Variants in LSAMP observed in about 807,000 individuals in gnomAD.
The protein encoded by LSAMP is limbic system-associated membrane protein.
Under a neutral mutation model 38.6 loss-of-function variants are expected in LSAMP, and 7 were observed. That is an observed-to-expected ratio of 0.18 (90% CI 0.10 to 0.34). The LOEUF (loss-of-function observed/expected upper bound fraction) is 0.34, where lower values mean the gene tolerates loss of function less well. Among genes scored for constraint, LSAMP ranks in the 10% least tolerant of loss-of-function variants. LSAMP has a pLI of 1.00. For missense variants in LSAMP, 313 were observed against 420.0 expected (o/e 0.75, Z 2.23); for synonymous variants, 154 against 166.8 (o/e 0.92, Z 0.59).
At chr3:115,909,788 T>C (rs1052152724) in intron 3 of LSAMP, among the ~76,000 whole-genome samples, 5 of 152,162 alleles carry the variant, frequency 3.3e-5, no homozygotes, top group Admixed American at 6.5e-5. Context: ...TGGGGAGTAG[T>C]AAGAAGCCAG....
At chr3:115,967,340 T>A (rs1362506781) in intron 3 of LSAMP, among the ~76,000 whole-genome samples, 1 of 152,200 alleles carries the variant, frequency 6.6e-6, no homozygotes. Context: ...AAGTTCCTTA[T>A]CTCCATTTGA....
intron 3 of LSAMP, among the ~76,000 whole-genome samples, chr3:115,900,111 T>C (rs1465275198): frequency 1.3e-5 from 2 of 152,214 alleles, no homozygotes; most frequent in African/African-American, 4.8e-5. Flanking sequence ...ATTCAATACA[T>C]CAGAGAATTT....
In LSAMP at chr3:115,806,946, C is replaced by A. The variant is rs1003518393; in HGVS notation, c.*3371G>T. On this transcript the variant is annotated 3_prime_UTR_variant, in exon 7 of 7. Transcript: ENST00000490035. Reference sequence around the variant, plus strand: ...TCAAAGTCATTTCTGTTTTTGTTAACTGAAAGTTGGGTCTAAGGATTTCCT... The same window carrying A: ...TCAAAGTCATTTCTGTTTTTGTTAAATGAAAGTTGGGTCTAAGGATTTCCT... 1 of 152,158 alleles carries A rather than the reference C, an allele frequency of 6.6e-6. No homozygotes were observed. Among genetic ancestry groups the A allele is most frequent in the African/African-American group, 2.4e-5 (1 of 41,436 alleles). The allele number at this position is 152,158 out of a possible 1,614,324, so 9.4% of individuals were successfully genotyped here.
chr3:116,182,083 T>C (rs879936209), intron 1 of LSAMP, among the ~76,000 whole-genome samples: 3 of 151,936 alleles, frequency 2.0e-5, no homozygotes, highest in Non-Finnish European at 4.4e-5. Context: ...TCTGTGCAGA[T>C]AGTCTCCAAA....
intron 3 of LSAMP, among the ~76,000 whole-genome samples, chr3:115,998,274 C>T (rs4378955): frequency 0.44 from 66,902 of 151,430 alleles, 16,143 homozygotes; most frequent in African/African-American, 0.65. Flanking sequence ...GGGGTTTTAA[C>T]TGGGGTAAGG....
At chr3:116,377,754 G>C (rs147130226) in intron 1 of LSAMP, among the ~76,000 whole-genome samples, 2 of 152,004 alleles carry the variant, frequency 1.3e-5, no homozygotes, top group African/African-American at 4.8e-5. Flanking sequence ...AAATCCCATG[G>C]AGCCCTTTAT....
At chr3:116,012,977 G>A (rs1466673133) in intron 3 of LSAMP, among the ~76,000 whole-genome samples, 1 of 152,296 alleles carries the variant, frequency 6.6e-6, no homozygotes, top group Non-Finnish European at 1.5e-5. Context: ...GTTGAGAGAT[G>A]TGGACTCTGT....
intron 1 of LSAMP, among the ~76,000 whole-genome samples, chr3:116,337,510 T>G (rs2047936218): frequency 6.6e-6 from 1 of 152,020 alleles, no homozygotes; most frequent in Non-Finnish European, 1.5e-5. Flanking sequence ...TAACTTTTAG[T>G]CAAAAACCAA....
At chr3:116,191,505 G>C (rs571617374) in intron 1 of LSAMP, among the ~76,000 whole-genome samples, 4 of 152,182 alleles carry the variant, frequency 2.6e-5, no homozygotes, top group African/African-American at 9.6e-5. Flanking sequence ...CTGCAGCCCA[G>C]GAAGGTTAAG....
chr3:115,856,594 G>A (rs1935516374), intron 3 of LSAMP, among the ~76,000 whole-genome samples: 1 of 151,666 alleles, frequency 6.6e-6, no homozygotes, highest in Non-Finnish European at 1.5e-5. Flanking sequence ...ACTCCAGCCT[G>A]GGTGACAGAG....
chr3:115,949,872 CA>C (rs1938226773), intron 3 of LSAMP, among the ~76,000 whole-genome samples: 1 of 151,814 alleles, frequency 6.6e-6, no homozygotes. Context: ...AACAGCATAT[CA>C]AAAAGATAAT....
chr3:115,897,961 G>A (rs1936771001), intron 3 of LSAMP, among the ~76,000 whole-genome samples: 1 of 152,068 alleles, frequency 6.6e-6, no homozygotes, highest in African/African-American at 2.4e-5. Flanking sequence ...CGTGAGCTCT[G>A]GCCAGCTCAG....
intron 1 of LSAMP, among the ~76,000 whole-genome samples, chr3:116,422,794 T>A (rs1272395629): frequency 1.3e-5 from 2 of 152,230 alleles, no homozygotes; most frequent in Non-Finnish European, 2.9e-5. Context: ...TAAGCTTATA[T>A]AAGCAGCTTT....
At chr3:115,838,432 T>G (rs1430910605) in intron 6 of LSAMP, among the ~76,000 whole-genome samples, 1 of 152,238 alleles carries the variant, frequency 6.6e-6, no homozygotes, top group East Asian at 1.9e-4. Flanking sequence ...GGAACTTGTC[T>G]TGGTATCACT....
chr3:116,061,450 A>G (rs988006605), intron 2 of LSAMP, among the ~76,000 whole-genome samples: 3 of 152,204 alleles, frequency 2.0e-5, no homozygotes, highest in Admixed American at 6.5e-5. Context: ...ATACAGCCCA[A>G]TCAGATGTGG....
intron 1 of LSAMP, among the ~76,000 whole-genome samples, chr3:116,089,004 G>A (rs1023220382): frequency 2.0e-5 from 3 of 152,066 alleles, no homozygotes; most frequent in Non-Finnish European, 4.4e-5. Flanking sequence ...CAAATAAATT[G>A]GACAGATTTC....
chr3:116,109,630 C>T (rs1708552406), intron 1 of LSAMP, among the ~76,000 whole-genome samples: 1 of 152,148 alleles, frequency 6.6e-6, no homozygotes, highest in Non-Finnish European at 1.5e-5. Context: ...CTATTTGGAA[C>T]TACTGTCTAG....
intron 1 of LSAMP, among the ~76,000 whole-genome samples, chr3:116,091,050 T>C (rs184155682): frequency 6.6e-6 from 1 of 152,280 alleles, no homozygotes; most frequent in East Asian, 1.9e-4. Flanking sequence ...GACTGGAGAC[T>C]ATCTCACCTC....
chr3:116,426,107 G>A (rs1472364726), intron 1 of LSAMP, among the ~76,000 whole-genome samples: 1 of 152,092 alleles, frequency 6.6e-6, no homozygotes, highest in Non-Finnish European at 1.5e-5. Flanking sequence ...AAATAGTTGT[G>A]AAAATCTAAA....
Sources: gnomAD v4.1 joint callset for allele counts (sites outside exome capture counted in the v4.1 genomes callset) on GRCh38, gnomAD v4.1.1 for gene constraint, MANE v1.5 for transcripts, NCBI Gene and HGNC (gene_info 2026-07-23, HGNC 2026-07-21) for gene names.